Variants in PDZRN4 observed in about 807,000 individuals in gnomAD.
The protein encoded by PDZRN4 is PDZ domain-containing RING finger protein 4.
In PDZRN4, 70 loss-of-function variants were observed where a neutral mutation model predicts 99.0. The ratio of observed to expected loss-of-function variants is 0.71; its 90% CI spans 0.58 to 0.86. The LOEUF is 0.86. Among genes scored for constraint, PDZRN4 ranks in the 40% least tolerant of loss-of-function variants. The pLI is 0.00. For missense variants in PDZRN4, 1,474 were observed against 1,331.2 expected (o/e 1.11, Z -1.67); for synonymous variants, 551 against 501.6 (o/e 1.10, Z -1.32).
chr12:41,245,196 C>T (rs184074096), intron 3 of PDZRN4, among the ~76,000 whole-genome samples: 1 of 152,212 alleles, frequency 6.6e-6, no homozygotes, highest in Non-Finnish European at 1.5e-5. Context: ...TATTACACTT[C>T]CCCGAGCAAA....
chr12:41,303,870 G>A (rs1951552721), intron 3 of PDZRN4, among the ~76,000 whole-genome samples: 2 of 152,164 alleles, frequency 1.3e-5, no homozygotes, highest in South Asian at 4.1e-4. Context: ...CAGAACTGGG[G>A]AGGTTGTTTA....
chr12:41,557,258 A>G (rs1314546374), intron 7 of PDZRN4, among the ~76,000 whole-genome samples: 1 of 151,978 alleles, frequency 6.6e-6, no homozygotes, highest in Non-Finnish European at 1.5e-5. Context: ...TTTGGGATGG[A>G]ATTTCACTGC....
At chr12:41,521,537 C>T (rs1379037815) in intron 5 of PDZRN4, among the ~76,000 whole-genome samples, 2 of 151,884 alleles carry the variant, frequency 1.3e-5, no homozygotes, top group Admixed American at 6.6e-5. Flanking sequence ...CATATTTGGA[C>T]CAAAGAGAGT....
intron 3 of PDZRN4, among the ~76,000 whole-genome samples, chr12:41,400,398 C>T (rs1326009710): frequency 1.3e-5 from 2 of 152,118 alleles, no homozygotes; most frequent in African/African-American, 4.8e-5. Context: ...GATGGGGCTT[C>T]AGATTCATCT....
chr12:41,407,684 C>A (rs1185397144), intron 3 of PDZRN4, among the ~76,000 whole-genome samples: 1 of 148,514 alleles, frequency 6.7e-6, no homozygotes, highest in Non-Finnish European at 1.5e-5. Flanking sequence ...AATCTAATTA[C>A]AACTGCAGTG....
chr12:41,489,788 G>C (rs1937848855), intron 3 of PDZRN4, among the ~76,000 whole-genome samples: 1 of 151,552 alleles, frequency 6.6e-6, no homozygotes, highest in South Asian at 2.1e-4. Context: ...CCTGCAAATT[G>C]AGTATTTCAC....
At chr12:41,437,927 C>G (rs778759003) in intron 3 of PDZRN4, 2 of 1,613,950 alleles carry the variant, frequency 1.2e-6, no homozygotes, top group Non-Finnish European at 1.7e-6. Flanking sequence ...GATTTGCTCT[C>G]TCTCTCTGCT....
At chr12:41,446,744 G>C (rs1054827303) in intron 3 of PDZRN4, among the ~76,000 whole-genome samples, 1 of 151,950 alleles carries the variant, frequency 6.6e-6, no homozygotes, top group Non-Finnish European at 1.5e-5. Context: ...AGTGGACATG[G>C]CAGAGAAAAG....
At chr12:41,378,268 G>A (rs557141219) in intron 3 of PDZRN4, among the ~76,000 whole-genome samples, 51 of 152,158 alleles carry the variant, frequency 3.4e-4, no homozygotes, top group Middle Eastern at 3.4e-3. Flanking sequence ...CTGTTAATAC[G>A]ATGGGTTGTA....
In PDZRN4 at chr12:41,421,201, T is replaced by G. The variant is rs561693906; in HGVS notation, c.844-85255T>G. Among the ~76,000 whole-genome samples the G allele has an allele frequency of 4.6e-5, 7 of 152,286 alleles. No homozygotes were observed. The East Asian group carries it at 7.7e-4, about 17-fold the overall frequency. ...ATTCCTAATGTTATTAGACTACTAT[T>G]TGTTTCTTTTTTTTCTTTTGAGACA... is the stretch of plus-strand genomic sequence containing the variant. On this transcript the variant is annotated intron_variant, in intron 3 of 9. Coordinates refer to ENST00000402685, the MANE Select transcript of PDZRN4 (RefSeq NM_001164595.2).
intron 5 of PDZRN4, among the ~76,000 whole-genome samples, chr12:41,540,003 A>G (rs1179614306): frequency 6.6e-6 from 1 of 152,232 alleles, no homozygotes; most frequent in African/African-American, 2.4e-5. Context: ...ATAGACTGGC[A>G]TTAAAAAATA....
At chr12:41,422,220 G>A (rs1952495697) in intron 3 of PDZRN4, among the ~76,000 whole-genome samples, 1 of 152,120 alleles carries the variant, frequency 6.6e-6, no homozygotes, top group African/African-American at 2.4e-5. Flanking sequence ...AGAAAAAGAA[G>A]TCAATGCACA....
intron 3 of PDZRN4, among the ~76,000 whole-genome samples, chr12:41,299,623 C>T (rs1951520511): frequency 6.6e-6 from 1 of 151,904 alleles, no homozygotes; most frequent in African/African-American, 2.4e-5. Flanking sequence ...TAGAGTAAAA[C>T]TTTCAGAGTA....
chr12:41,360,056 A>C (rs2121056490), intron 3 of PDZRN4, among the ~76,000 whole-genome samples: 1 of 152,150 alleles, frequency 6.6e-6, no homozygotes, highest in Non-Finnish European at 1.5e-5. Context: ...CCAATGTGAC[A>C]ATTATAATAC....
At chr12:41,508,510 C>A (rs964073912) in intron 4 of PDZRN4, among the ~76,000 whole-genome samples, 1 of 152,124 alleles carries the variant, frequency 6.6e-6, no homozygotes, top group African/African-American at 2.4e-5. Flanking sequence ...AAATAAACGT[C>A]GAATGAATAA....
intron 3 of PDZRN4, chr12:41,412,539 G>A (rs1952408098): frequency 6.6e-6 from 1 of 152,128 alleles, no homozygotes; most frequent in Non-Finnish European, 1.5e-5. Flanking sequence ...ATCAGTCTCT[G>A]TTGCAAAGAT....
chr12:41,387,075 TG>T (rs1469050869), intron 3 of PDZRN4, among the ~76,000 whole-genome samples: 2 of 152,136 alleles, frequency 1.3e-5, no homozygotes, highest in Non-Finnish European at 2.9e-5. Flanking sequence ...GATTTTATGA[TG>T]AAGACACCAA....
At chr12:41,441,579 T>C (rs1279891120) in intron 3 of PDZRN4, among the ~76,000 whole-genome samples, 1 of 152,174 alleles carries the variant, frequency 6.6e-6, no homozygotes, top group African/African-American at 2.4e-5. Context: ...TACCATGAAA[T>C]AGTTACAGGA....
At position 41,191,443 on chromosome 12, in the gene PDZRN4, T is replaced by C. The variant is rs780477751; in HGVS notation, c.649-15T>C. ...ATTTTTACCTGGTTAAGTCATTTTA[T>C]ACATTTTTTTCTAGGATGGAGAGCA... is the stretch of plus-strand genomic sequence containing the variant. On this transcript the variant is annotated splice_polypyrimidine_tract_variant and intron_variant, in intron 1 of 9. Transcript: ENST00000402685. The C allele has an allele frequency of 2.3e-6, 3 of 1,299,676 alleles. No individual in the cohort carries two copies. Among genetic ancestry groups the C allele is most frequent in the Non-Finnish European group, 3.3e-6 (3 of 913,504 alleles). 80.5% of individuals were successfully genotyped at this position (1,299,676 alleles called of 1,614,324 possible). A position where few individuals can be genotyped will look rare whatever the true frequency, so the allele number is the denominator to read the frequency against.
Sources: allele counts gnomAD v4.1 joint callset (sites outside exome capture counted in the v4.1 genomes callset), GRCh38; gene constraint gnomAD v4.1.1; transcripts MANE v1.5; gene names NCBI Gene and HGNC (gene_info 2026-07-23, HGNC 2026-07-21).